Variants in DNAH1 observed in about 807,000 individuals in gnomAD.
The protein encoded by DNAH1 is axonemal beta dynein heavy chain 1.
In DNAH1, 327 loss-of-function variants were observed where a neutral mutation model predicts 484.3. The ratio of observed to expected loss-of-function variants is 0.68; its 90% CI spans 0.62 to 0.74. DNAH1 has a LOEUF of 0.74. DNAH1 is among the 30% of genes least tolerant of loss of function. DNAH1 has a pLI of 0.00. For synonymous variants in DNAH1, 2,192 were observed against 2,191.9 expected (o/e 1.00, Z 0.00); for missense variants, 5,052 against 5,546.8 (o/e 0.91, Z 2.83).
chr3:52,364,817 C>T lies in DNAH1; in HGVS notation c.5332-16C>T, dbSNP rs139402293. The T allele has an allele frequency of 3.7e-6, 6 of 1,610,512 alleles. No individual in the cohort carries two copies. In the African/African-American group the frequency reaches 5.3e-5, roughly 14 times the overall value. On this transcript the variant is annotated splice_polypyrimidine_tract_variant and intron_variant, in intron 33 of 77. Transcript: ENST00000420323. This position sits in a 1 kb window ranked among gnomAD's most constrained non-coding sequence, Gnocchi z 4.2. Reference sequence around the variant, plus strand: ...CTGGCCCACTGCCCTGAAGGCTCAGCCGGCACCTGCTGCAGGAGCTGATCT... The same window carrying T: ...CTGGCCCACTGCCCTGAAGGCTCAGTCGGCACCTGCTGCAGGAGCTGATCT...
At chr3:52,347,184 C>T (rs879213518) in intron 11 of DNAH1, among the ~76,000 whole-genome samples, 1 of 149,668 alleles carries the variant, frequency 6.7e-6, no homozygotes, top group African/African-American at 2.4e-5. Context: ...TGTGCCAAGA[C>T]CTGAGATGTA....
In DNAH1 at chr3:52,338,562, A is replaced by G. The variant is rs559358678; in HGVS notation, c.1287-5928A>G. On this transcript the variant is annotated intron_variant, in intron 8 of 77. Transcript: ENST00000420323. ...CTTGGTTGTATAAAGTTCCTTTTCTAGTAGATTCCTCATGAAGAGCTCAAG... is the reference window on the plus strand; with the variant it reads ...CTTGGTTGTATAAAGTTCCTTTTCTGGTAGATTCCTCATGAAGAGCTCAAG... 9.7e-4 allele frequency among the ~76,000 whole-genome samples: 147 copies of G among 152,312 alleles called. 1 individual carries two copies. The highest frequency in any genetic ancestry group is 3.4e-3 in the African/African-American group (141 of 41,570).
At chr3:52,325,627 G>A (rs935787623) in intron 3 of DNAH1, among the ~76,000 whole-genome samples, 10 of 152,152 alleles carry the variant, frequency 6.6e-5, no homozygotes, top group East Asian at 1.9e-4. Context: ...TCTAAGTAGC[G>A]GCAGTCATTT....
intron 3 of DNAH1, 117 bp downstream of exon 3, chr3:52,323,997 C>T (rs532539718): frequency 1.5e-5 from 11 of 744,898 alleles, no homozygotes; most frequent in Admixed American, 8.1e-5. Flanking sequence ...AACTGTGGAG[C>T]GGGGATAATA....
Position 52,358,485 on chromosome 3 carries a change from C to T in DNAH1, c.4087-73C>T, listed in dbSNP as rs557030381. 211 of 1,476,466 alleles carry T rather than the reference C, an allele frequency of 1.4e-4. No individual in the cohort carries two copies. In the African/African-American group the frequency reaches 2.7e-3, roughly 19 times the overall value. 91.5% of individuals were successfully genotyped at this position (1,476,466 alleles called of 1,614,324 possible). The stretch of plus-strand genomic sequence containing the variant: ...GGTGGAGGGCACCGGGCAGGCTTAG[C>T]GCTGGGGCTGTGGTGGCCAGGGCAT... On this transcript the variant is annotated intron_variant, in intron 24 of 77. Coordinates refer to ENST00000420323, the MANE Select transcript of DNAH1 (RefSeq NM_015512.5). This position sits in a 1 kb window ranked among gnomAD's most constrained non-coding sequence, Gnocchi z 4.2.
At chr3:52,399,929 C>T in intron 77 of DNAH1, 150 bp downstream of exon 77, 1 of 828,256 alleles carries the variant, frequency 1.2e-6, no homozygotes, top group Non-Finnish European at 1.9e-6. Context: ...AGGTTAATGC[C>T]CAAGGCCTGC....
rs140749528 is a variant in DNAH1, at chr3:52,355,494, G to C, written c.3693+439G>C. 3.9e-5 allele frequency among the ~76,000 whole-genome samples: 6 copies of C among 152,240 alleles called. No homozygotes were observed. The highest frequency in any genetic ancestry group is 1.4e-4 in the African/African-American group (6 of 41,460). On this transcript the variant is annotated intron_variant, in intron 21 of 77. Transcript: ENST00000420323. The surrounding 1 kb of genome is among the most constrained non-coding windows in gnomAD (Gnocchi z 4.5). ...TCTCATCTCATTTGGAGCTACCTTG[G>C]TTGAGGGGACTGGGCCACCAGGGAC...
At chr3:52,396,082 C>T (rs374079261) in intron 70 of DNAH1, among the ~76,000 whole-genome samples, 6 of 152,106 alleles carry the variant, frequency 3.9e-5, no homozygotes, top group South Asian at 2.1e-4. Flanking sequence ...GGTAGTAACC[C>T]GCCACTATGC....
rs1703713347 is a variant in DNAH1, at chr3:52,378,725, G to A, written c.7322G>A (p.Arg2441Lys). The A allele has an allele frequency of 6.2e-7, 1 of 1,613,666 alleles. No individual in the cohort carries two copies. The highest frequency in any genetic ancestry group is 1.3e-5 in the African/African-American group (1 of 74,890). The change falls in exon 47 of 78, where the codon AGG becomes AAG. Residue 2441 changes from arginine (R) to lysine (K), a missense_variant. Physicochemically the swap from Arg to Lys is conservative, Grantham distance 26. This residue lies in a region of DNAH1 where 2,929 missense variants were observed against 3,409.4 expected (regional missense o/e 0.86). Coordinates refer to ENST00000420323, the MANE Select transcript of DNAH1 (RefSeq NM_015512.5). ...PAKSHYTFNL[R>K]DLSKVFQGML... ...AAGTCCCACTACACCTTCAACCTGAGGGACCTCTCCAAGGTCTTCCAAGGC... is the reference window on the plus strand; with the variant it reads ...AAGTCCCACTACACCTTCAACCTGAAGGACCTCTCCAAGGTCTTCCAAGGC...
intron 13 of DNAH1, 36 bp from the exon 14 acceptor site, chr3:52,349,159 A>G (rs1559512284): frequency 3.7e-6 from 6 of 1,611,774 alleles, no homozygotes; most frequent in Non-Finnish European, 5.1e-6. Context: ...CCTGCTCACC[A>G]TCCTCTGCCC....
At chr3:52,320,559 T>C (rs1474062285) in intron 1 of DNAH1, among the ~76,000 whole-genome samples, 3 of 152,234 alleles carry the variant, frequency 2.0e-5, no homozygotes, top group Non-Finnish European at 4.4e-5. Flanking sequence ...TAGACAGCCC[T>C]GGCCACCCAC....
At position 52,353,129 on chromosome 3, in the gene DNAH1, G is replaced by A. The variant is rs1702463045; in HGVS notation, c.3054G>A (p.Lys1018=). ...TNYDKLSRMV[K]EFQPYLDLWT... ...ATGACAAGCTCTCCAGGATGGTGAA[G>A]GAGTTCCAACCCTACCTGGACCTTT... Residue 1018 remains lysine (K), a synonymous_variant, in exon 19 of 78, where the codon AAG becomes AAA. Coordinates refer to ENST00000420323, the MANE Select transcript of DNAH1 (RefSeq NM_015512.5). The surrounding 1 kb of genome is among the most constrained non-coding windows in gnomAD (Gnocchi z 5.0). The A allele has an allele frequency of 6.2e-7, 1 of 1,613,830 alleles. No individual in the cohort carries two copies. The highest frequency in any genetic ancestry group is 1.1e-5 in the South Asian group (1 of 91,070).
chr3:52,387,041 G>A (rs1267500916), intron 56 of DNAH1, among the ~76,000 whole-genome samples, 188 bp downstream of exon 56: 1 of 152,204 alleles, frequency 6.6e-6, no homozygotes, highest in Non-Finnish European at 1.5e-5. Flanking sequence ...CAGATGGCTG[G>A]AACCAGAGCC....
chr3:52,324,508 C>G (rs1376553462), intron 3 of DNAH1, among the ~76,000 whole-genome samples: 1 of 152,118 alleles, frequency 6.6e-6, no homozygotes, highest in Non-Finnish European at 1.5e-5. Flanking sequence ...TCTCCCCTGG[C>G]AGACAGGACG....
chr3:52,389,057 C>A, intron 59 of DNAH1, 120 bp downstream of exon 59: 1 of 1,232,440 alleles, frequency 8.1e-7, no homozygotes, highest in Non-Finnish European at 1.1e-6. Flanking sequence ...CTCAGTCATT[C>A]AACAAGCACT....
In DNAH1 at chr3:52,400,380, C is replaced by T. The variant is rs1189322034; in HGVS notation, c.12732C>T (p.Pro4244=). 6.2e-7 allele frequency: 1 copy of T among 1,614,062 alleles called. No individual in the cohort carries two copies. The highest frequency in any genetic ancestry group is 2.2e-5 in the East Asian group (1 of 44,884). The part of the protein sequence containing the change: ...STNYVIAVEI[P]THQPQRHWIK... ...ACTATGTCATTGCTGTGGAGATCCC[C>T]ACCCATCAGCCCCAGCGACACTGGA... The change falls in exon 78 of 78, where the codon CCC becomes CCT. Residue 4244 remains proline (P), a synonymous_variant. Coordinates refer to ENST00000420323, the MANE Select transcript of DNAH1 (RefSeq NM_015512.5).
Position 52,362,341 on chromosome 3 carries a change from A to T in DNAH1, c.4981-47A>T. The T allele has an allele frequency of 6.5e-7, 1 of 1,549,708 alleles. No individual in the cohort carries two copies. On this transcript the variant is annotated intron_variant, in intron 30 of 77. Transcript: ENST00000420323. The surrounding 1 kb of genome is among the most constrained non-coding windows in gnomAD (Gnocchi z 5.1). ...AGGGGCCCACTCAGAGGAGGGGACA[A>T]GGCTGGGCACCCTAGTCCCAGGCAA...
intron 66 of DNAH1, among the ~76,000 whole-genome samples, chr3:52,393,857 C>T (rs915407997): frequency 1.8e-4 from 27 of 152,204 alleles, no homozygotes; most frequent in African/African-American, 6.5e-4. Context: ...TGAGATCGTG[C>T]CACTGCACTC....
In DNAH1 at chr3:52,385,367, A is replaced by G; in HGVS notation, c.8545A>G (p.Met2849Val). ...LLRTSEDVAK[M>V]QEDLESMHPL... ...GCGCACTTCTGAGGATGTAGCCAAG[A>G]TGCAGGAGGACCTGGAGAGTATGCA... Residue 2849 changes from methionine (M) to valine (V), a missense_variant, in exon 54 of 78, where the codon ATG becomes GTG. Met to Val is a conservative substitution (Grantham distance 21, BLOSUM62 1). This residue lies in a region of DNAH1 where 2,929 missense variants were observed against 3,409.4 expected (regional missense o/e 0.86). Transcript: ENST00000420323. The G allele has an allele frequency of 6.4e-7, 1 of 1,552,730 alleles. No individual in the cohort carries two copies. Among genetic ancestry groups the G allele is most frequent in the Non-Finnish European group, 8.7e-7 (1 of 1,147,574 alleles).
Sources: allele counts gnomAD v4.1 joint callset (sites outside exome capture counted in the v4.1 genomes callset), GRCh38; gene constraint gnomAD v4.1.1; regional missense constraint gnomAD v4.1.1; non-coding constraint Gnocchi (gnomAD v3.1); transcripts MANE v1.5; gene names NCBI Gene and HGNC (gene_info 2026-07-23, HGNC 2026-07-21).